The following NUGGC variants were observed in gnomAD, a reference collection of about 807,000 sequenced individuals.
The protein encoded by NUGGC is nuclear GTPase SLIP-GC.
Under a neutral mutation model 92.6 loss-of-function variants are expected in NUGGC, and 58 were observed. The ratio of observed to expected loss-of-function variants is 0.63; its 90% CI spans 0.51 to 0.78. NUGGC has a LOEUF of 0.78. NUGGC is among the 30% of genes least tolerant of loss of function. NUGGC has a pLI of 0.00. For synonymous variants in NUGGC, 376 were observed against 366.4 expected, an observed-to-expected ratio of 1.03 and a Z score of -0.30; for missense variants, 925 against 964.6, an observed-to-expected ratio of 0.96 and a Z score of 0.54.
At chr8:28,049,172 T>C (rs552476250) in intron 10 of NUGGC, among the ~76,000 whole-genome samples, 1 of 152,156 alleles carries the variant, frequency 6.6e-6, no homozygotes, top group Non-Finnish European at 1.5e-5. Context: ...GCCGTGTCCC[T>C]GGCAAGCTAT....
chr8:28,031,396 G>A lies in NUGGC; in HGVS notation c.1770-15C>T. The A allele has an allele frequency of 1.2e-6, 2 of 1,609,030 alleles. No individual in the cohort carries two copies. The highest frequency in any genetic ancestry group is 2.2e-5 in the South Asian group (2 of 90,366). On this transcript the variant is annotated splice_polypyrimidine_tract_variant and intron_variant, in intron 14 of 18. Transcript: ENST00000413272. The stretch of plus-strand genomic sequence containing the variant: ...GCTTCCCCGTCCTACGGAAGAAAGT[G>A]ACAAAAAAGTTTAAGAGAATGGTGG...
chr8:28,081,874 T>C (rs917511718), intron 1 of NUGGC, among the ~76,000 whole-genome samples: 4 of 145,784 alleles, frequency 2.7e-5, no homozygotes, highest in Admixed American at 2.7e-4. Context: ...TGAGACTCCA[T>C]CTCAAAAAAA....
intron 8 of NUGGC, among the ~76,000 whole-genome samples, chr8:28,059,538 G>A (rs1007940027): frequency 6.6e-6 from 1 of 152,128 alleles, no homozygotes; most frequent in Non-Finnish European, 1.5e-5. Flanking sequence ...AAAAAGTTCA[G>A]GAGTCTCTGG....
intron 5 of NUGGC, 59 bp from the exon 6 acceptor site, chr8:28,067,803 A>C: frequency 3.0e-6 from 4 of 1,342,446 alleles, no homozygotes; most frequent in Non-Finnish European, 3.2e-6. Context: ...ACACCGACAA[A>C]CAGAGGGGCC....
At chr8:28,063,984 G>A (rs1810373821) in intron 7 of NUGGC, among the ~76,000 whole-genome samples, 2 of 152,092 alleles carry the variant, frequency 1.3e-5, no homozygotes, top group African/African-American at 4.8e-5. Flanking sequence ...CCAAACTCTG[G>A]AGCAGTAGTA....
intron 9 of NUGGC, among the ~76,000 whole-genome samples, chr8:28,057,940 C>A (rs752573069): frequency 6.6e-6 from 1 of 152,048 alleles, no homozygotes; most frequent in Non-Finnish European, 1.5e-5. Context: ...GCCTGTAATC[C>A]CAGCACTTTG....
intron 16 of NUGGC, 84 bp from the exon 17 acceptor site, chr8:28,029,486 C>T (rs1213838559): frequency 2.0e-6 from 3 of 1,483,032 alleles, no homozygotes; most frequent in Non-Finnish European, 2.8e-6. Context: ...TGGTGGCTCA[C>T]ACCTGTAATC....
rs963561423 is a variant in NUGGC at position 28,045,335 on chromosome 8, A to C, written c.1446+192T>G. 5.9e-5 allele frequency among the ~76,000 whole-genome samples: 9 copies of C among 152,032 alleles called. 1 individual carries two copies. The highest frequency in any genetic ancestry group is 3.9e-4 in the Admixed American group (6 of 15,264). ...GCCCATCTGTCCCAGGTAAAATATTACTCCTTTCTCTTTTACCCAAATGTT... is the reference window on the plus strand; with the variant it reads ...GCCCATCTGTCCCAGGTAAAATATTCCTCCTTTCTCTTTTACCCAAATGTT... On this transcript the variant is annotated intron_variant, in intron 12 of 18. Coordinates refer to ENST00000413272, the MANE Select transcript of NUGGC (RefSeq NM_001010906.2).
At chr8:28,050,630 G>A (rs758130855) in intron 10 of NUGGC, among the ~76,000 whole-genome samples, 25 of 151,968 alleles carry the variant, frequency 1.6e-4, no homozygotes, top group Admixed American at 7.2e-4. Flanking sequence ...GGCCAATATG[G>A]TGAAACCCTG....
intron 3 of NUGGC, 96 bp from the exon 4 acceptor site, chr8:28,069,748 A>G (rs550828395): frequency 1.9e-4 from 122 of 630,796 alleles, no homozygotes; most frequent in East Asian, 1.4e-3. Flanking sequence ...CAGAGAAGGG[A>G]AAAAAAAAAT....
At chr8:28,037,315 C>T (rs1197882012) in intron 13 of NUGGC, among the ~76,000 whole-genome samples, 2 of 152,140 alleles carry the variant, frequency 1.3e-5, no homozygotes, top group East Asian at 3.9e-4. Flanking sequence ...TCAGCCTATT[C>T]CCCCAAAACT....
chr8:28,083,733 A>G (rs568424481), intron 1 of NUGGC, 42 bp downstream of exon 1: 33 of 152,212 alleles, frequency 2.2e-4, no homozygotes, highest in African/African-American at 7.5e-4. Context: ...TAAAAAATCA[A>G]CCACAAGTTA....
chr8:28,040,316 G>GCCACAACTTGTATGCC (rs1360186534), intron 13 of NUGGC, among the ~76,000 whole-genome samples: 16 of 152,300 alleles, frequency 1.1e-4, no homozygotes, highest in African/African-American at 3.6e-4. Flanking sequence ...TGCCAATTGA[G>GCCACAACTTGTATGCC]AGGTTACAAG....
At chr8:28,077,179 C>T (rs533935023) in intron 1 of NUGGC, among the ~76,000 whole-genome samples, 2 of 152,054 alleles carry the variant, frequency 1.3e-5, no homozygotes, top group East Asian at 3.9e-4. Context: ...GTCAGAAATG[C>T]TGACACACAT....
At chr8:28,063,146 C>G (rs1810348659) in intron 7 of NUGGC, among the ~76,000 whole-genome samples, 1 of 152,170 alleles carries the variant, frequency 6.6e-6, no homozygotes, top group Non-Finnish European at 1.5e-5. Flanking sequence ...GGGAGGGCAA[C>G]TGTGTCGTTC....
chr8:28,060,044 C>T (rs774311036), intron 8 of NUGGC, among the ~76,000 whole-genome samples: 25 of 151,810 alleles, frequency 1.6e-4, no homozygotes, highest in Admixed American at 2.6e-4. Context: ...CTGTACCCTA[C>T]CAGATAGGAT....
In NUGGC at chr8:28,064,682, C is replaced by T. The variant is rs780042499; in HGVS notation, c.761G>A (p.Arg254Lys). The change falls in exon 7 of 19, where the codon AGA (arginine) becomes AAA (lysine). Residue 254 changes from arginine to lysine, a missense_variant. Transcript: ENST00000413272. ...KLDPYIRTQR[R>K]DWDGEAAEMR... ...CTCAGCGGCCTCTCCATCCCAATCT[C>T]TCCTCTGTGTGCGGATGTAGGGGTC... is the stretch of plus-strand genomic sequence containing the variant. 3.7e-6 allele frequency: 6 copies of T among 1,613,924 alleles called. No individual in the cohort carries two copies. The South Asian group carries it at 6.6e-5, about 18-fold the overall frequency.
chr8:28,047,604 C>T lies in NUGGC; in HGVS notation c.1215G>A (p.Leu405=), dbSNP rs774943626. 13 of 1,553,944 alleles carry T rather than the reference C, an allele frequency of 8.4e-6. No homozygotes were observed. The highest frequency in any genetic ancestry group is 1.7e-4 in the Middle Eastern group (1 of 5,992). The change falls in exon 11 of 19, where the codon CTG becomes CTA. Residue 405 remains leucine (L), a synonymous_variant. Coordinates refer to ENST00000413272, the MANE Select transcript of NUGGC (RefSeq NM_001010906.2). ...CTTCCAGAACCTTGAAGTCAGCTGGCAGTTTTCTCTGAAGTGAGAGAGTCA... is the reference window on the plus strand; with the variant it reads ...CTTCCAGAACCTTGAAGTCAGCTGGTAGTTTTCTCTGAAGTGAGAGAGTCA... The part of the protein sequence containing the change: ...RILKEKLKRK[L]PADFKVLEAS...
chr8:28,054,655 C>T (rs905866841), intron 10 of NUGGC, among the ~76,000 whole-genome samples: 4 of 152,184 alleles, frequency 2.6e-5, no homozygotes, highest in East Asian at 3.8e-4. Context: ...GCCTGTCATT[C>T]GCCAAACACA....
Sources: allele counts gnomAD v4.1 joint callset (sites outside exome capture counted in the v4.1 genomes callset), GRCh38; gene constraint gnomAD v4.1.1; transcripts MANE v1.5; gene names NCBI Gene and HGNC (gene_info 2026-07-23, HGNC 2026-07-21).